Variants in KAZN observed in about 807,000 individuals in gnomAD.
KAZN encodes the protein kazrin.
A neutral mutation model predicts 87.4 loss-of-function variants in KAZN; 40 were observed. The ratio of observed to expected loss-of-function variants is 0.46; its 90% CI spans 0.36 to 0.60. KAZN has a LOEUF of 0.60. KAZN is among the 20% of genes least tolerant of loss of function. The pLI, the probability that KAZN is intolerant of heterozygous loss-of-function variation, is 0.00. For missense variants in KAZN, 898 were observed against 1,073.9 expected (o/e 0.84, Z 2.29); for synonymous variants, 466 against 458.3 (o/e 1.02, Z -0.22).
At chr1:15,068,604 G>A (rs547042813) in intron 8 of KAZN, among the ~76,000 whole-genome samples, 1 of 152,064 alleles carries the variant, frequency 6.6e-6, no homozygotes, top group South Asian at 2.1e-4. Context: ...GAGCTTCAGG[G>A]AGATAGAGAG....
At chr1:14,039,289 C>T (rs796746994) in intron 1 of KAZN, among the ~76,000 whole-genome samples, 3 of 152,318 alleles carry the variant, frequency 2.0e-5, no homozygotes, top group African/African-American at 7.2e-5. Flanking sequence ...CCAAGACTTC[C>T]ACTCTCTACG....
chr1:14,989,532 G>A (rs1667151709), intron 2 of KAZN, among the ~76,000 whole-genome samples: 1 of 152,208 alleles, frequency 6.6e-6, no homozygotes. Context: ...TGGACCTTCT[G>A]TCGTCCTTGA....
At position 14,647,187 on chromosome 1, in the gene KAZN, T is replaced by C. The variant is rs114545290; in HGVS notation, c.226+47964T>C. On this transcript the variant is annotated intron_variant, in intron 1 of 14. Coordinates refer to ENST00000376030, the MANE Select transcript of KAZN (RefSeq NM_201628.3). ...GAAGAGTAACATATTTTAATAATCA[T>C]ACCCCGGGGCGCAGTTTTTCCGTTG... Among the ~76,000 whole-genome samples, 884 of 152,294 alleles carry C rather than the reference T, an allele frequency of 5.8e-3. 5 individuals are homozygous for C. The highest frequency in any genetic ancestry group is 0.021 in the African/African-American group (853 of 41,554).
At chr1:13,929,898 C>A (rs1640442117) in intron 1 of KAZN, among the ~76,000 whole-genome samples, 1 of 152,150 alleles carries the variant, frequency 6.6e-6, no homozygotes, top group African/African-American at 2.4e-5. Flanking sequence ...ATTGTTATAT[C>A]CATTTGATAG....
intron 8 of KAZN, chr1:15,067,608 A>G (rs1639307002): frequency 7.1e-6 from 7 of 985,412 alleles, no homozygotes; most frequent in Non-Finnish European, 8.4e-6. Context: ...AAGCAAGGAG[A>G]TTTTCAAATG....
intron 2 of KAZN, among the ~76,000 whole-genome samples, chr1:14,275,380 G>T (rs138835711): frequency 1.3e-5 from 2 of 151,676 alleles, no homozygotes; most frequent in African/African-American, 2.4e-5. Context: ...CCAGGAATCT[G>T]GGTTATAAAA....
At chr1:14,413,451 G>A (rs1261981054) in intron 2 of KAZN, among the ~76,000 whole-genome samples, 5 of 151,774 alleles carry the variant, frequency 3.3e-5, no homozygotes, top group East Asian at 1.9e-4. Context: ...TTAGCCGGGC[G>A]TGGTGGCGGG....
chr1:14,640,990 G>T (rs1220069059), intron 1 of KAZN, among the ~76,000 whole-genome samples: 1 of 152,162 alleles, frequency 6.6e-6, no homozygotes, highest in African/African-American at 2.4e-5. Flanking sequence ...TTCTTCAGTG[G>T]CAAAATGACT....
intron 1 of KAZN, among the ~76,000 whole-genome samples, chr1:14,718,431 T>A (rs944914674): frequency 6.6e-6 from 1 of 152,244 alleles, no homozygotes; most frequent in African/African-American, 2.4e-5. Context: ...TGCGGGGACT[T>A]TTCCATTTTG....
rs11579544 is a variant in KAZN, at chr1:15,099,154, A to G, written c.1548-2389A>G. Among the ~76,000 whole-genome samples, 54,260 of 151,972 alleles carry G rather than the reference A, an allele frequency of 0.36. 10,175 individuals are homozygous for G. Among genetic ancestry groups the G allele is most frequent in the East Asian group, 0.74 (3,822 of 5,140 alleles). ...ACAGGCCCGGAGACAAGGGGGTCCCAGTGGACCCAAGTGGTTCTGGGAGGC... is the reference window on the plus strand; with the variant it reads ...ACAGGCCCGGAGACAAGGGGGTCCCGGTGGACCCAAGTGGTTCTGGGAGGC... On this transcript the variant is annotated intron_variant, in intron 10 of 14. Transcript: ENST00000376030. The surrounding 1 kb of genome is among the most constrained non-coding windows in gnomAD (Gnocchi z 5.4).
At chr1:14,841,804 C>G (rs1184562351) in intron 1 of KAZN, among the ~76,000 whole-genome samples, 1 of 152,142 alleles carries the variant, frequency 6.6e-6, no homozygotes, top group Non-Finnish European at 1.5e-5. Flanking sequence ...ATGAATGCAC[C>G]AGGCAATGGA....
intron 2 of KAZN, among the ~76,000 whole-genome samples, chr1:14,306,055 A>G (rs1654902358): frequency 1.3e-5 from 2 of 151,994 alleles, no homozygotes; most frequent in South Asian, 4.2e-4. Flanking sequence ...GGAGGAAACA[A>G]TTTTTGTTGG....
At chr1:14,528,556 G>A (rs1672037088) in intron 2 of KAZN, among the ~76,000 whole-genome samples, 1 of 151,382 alleles carries the variant, frequency 6.6e-6, no homozygotes. Flanking sequence ...GGCCGAGGTG[G>A]GAGGATTGCT....
intron 2 of KAZN, among the ~76,000 whole-genome samples, chr1:14,283,039 G>A (rs776312038): frequency 5.3e-5 from 8 of 152,170 alleles, no homozygotes; most frequent in Non-Finnish European, 1.0e-4. Flanking sequence ...GGAAGCATTC[G>A]CAGAGCAAAG....
chr1:14,066,717 A>C (rs998344438), intron 1 of KAZN, among the ~76,000 whole-genome samples: 1 of 152,194 alleles, frequency 6.6e-6, no homozygotes, highest in African/African-American at 2.4e-5. Context: ...TAATCACTAC[A>C]TAGGAGCTTT....
chr1:14,354,323 G>C (rs953900325), intron 2 of KAZN, among the ~76,000 whole-genome samples: 5 of 152,010 alleles, frequency 3.3e-5, no homozygotes, highest in African/African-American at 1.2e-4. Flanking sequence ...TGGACAAATT[G>C]AACTTAAAAC....
intron 1 of KAZN, among the ~76,000 whole-genome samples, chr1:14,915,929 G>T (rs144181838): frequency 6.6e-6 from 1 of 152,154 alleles, no homozygotes; most frequent in Non-Finnish European, 1.5e-5. Context: ...GCCAGACTAC[G>T]TGGGCTTTAG....
At chr1:14,886,437 T>TACAC (rs34119523) in intron 1 of KAZN, among the ~76,000 whole-genome samples, 194 of 147,288 alleles carry the variant, frequency 1.3e-3, no homozygotes, top group Middle Eastern at 7.1e-3. Flanking sequence ...CACACACACA[T>TACAC]ACACACACAC....
At chr1:14,462,844 G>T (rs1200197247) in intron 2 of KAZN, among the ~76,000 whole-genome samples, 2 of 152,068 alleles carry the variant, frequency 1.3e-5, no homozygotes, top group African/African-American at 2.4e-5. Context: ...CCTCCTGCAG[G>T]CTCCCTCCCA....
Sources: allele counts gnomAD v4.1 joint callset (sites outside exome capture counted in the v4.1 genomes callset), GRCh38; gene constraint gnomAD v4.1.1; non-coding constraint Gnocchi (gnomAD v3.1); transcripts MANE v1.5; gene names NCBI Gene and HGNC (gene_info 2026-07-23, HGNC 2026-07-21).